The following GMDS variants were observed in gnomAD, a reference collection of about 807,000 sequenced individuals.
GMDS encodes the protein GDP-mannose 4,6-dehydratase.
In GMDS, 20 loss-of-function variants were observed where a neutral mutation model predicts 49.9. The observed-to-expected ratio is 0.40, with a 90% confidence interval of 0.28 to 0.58. The LOEUF (loss-of-function observed/expected upper bound fraction) is 0.58, where lower values mean the gene tolerates loss of function less well. Among genes scored for constraint, GMDS ranks in the 20% least tolerant of loss-of-function variants. The pLI is 0.42. For missense variants in GMDS, 362 were observed against 481.4 expected, an observed-to-expected ratio of 0.75 and a Z score of 2.32; for synonymous variants, 177 against 178.6, an observed-to-expected ratio of 0.99 and a Z score of 0.07.
At chr6:1,995,294 A>ACCTCCAGGTCTACTC (rs1304988653) in intron 4 of GMDS, among the ~76,000 whole-genome samples, 1 of 151,926 alleles carries the variant, frequency 6.6e-6, no homozygotes, top group Non-Finnish European at 1.5e-5. Context: ...CTTGCACCAC[A>ACCTCCAGGTCTACTC]CCTCCAGGTC....
intron 4 of GMDS, among the ~76,000 whole-genome samples, chr6:1,972,367 T>C (rs1415919813): frequency 1.3e-5 from 2 of 151,696 alleles, no homozygotes; most frequent in Non-Finnish European, 2.9e-5. Flanking sequence ...TTACAGTTTA[T>C]CAGCTGCTGA....
chr6:1,852,046 G>T (rs1757699676), intron 7 of GMDS, among the ~76,000 whole-genome samples: 1 of 152,226 alleles, frequency 6.6e-6, no homozygotes, highest in South Asian at 2.1e-4. Context: ...AGAAAGAGAT[G>T]CAGAACGTGT....
chr6:2,197,465 C>A (rs1338385011), intron 1 of GMDS, among the ~76,000 whole-genome samples: 1 of 152,196 alleles, frequency 6.6e-6, no homozygotes, highest in African/African-American at 2.4e-5. Flanking sequence ...AGCTCCACTG[C>A]CTGTGTGGTC....
At chr6:2,051,711 G>A (rs1770406381) in intron 4 of GMDS, among the ~76,000 whole-genome samples, 2 of 152,130 alleles carry the variant, frequency 1.3e-5, no homozygotes, top group African/African-American at 4.8e-5. Context: ...TAAGTCTGGT[G>A]CCATATACCC....
At chr6:1,709,162 C>A (rs1043415932) in intron 9 of GMDS, among the ~76,000 whole-genome samples, 1 of 152,220 alleles carries the variant, frequency 6.6e-6, no homozygotes, top group Non-Finnish European at 1.5e-5. Context: ...ACACCCACTG[C>A]AGCACTGAGA....
At chr6:1,858,679 G>A (rs774668808) in intron 7 of GMDS, among the ~76,000 whole-genome samples, 1 of 151,976 alleles carries the variant, frequency 6.6e-6, no homozygotes, top group Non-Finnish European at 1.5e-5. Flanking sequence ...CTGACACCGA[G>A]AGCCAATGCT....
At chr6:1,696,955 T>A (rs563027714) in intron 9 of GMDS, among the ~76,000 whole-genome samples, 19 of 152,348 alleles carry the variant, frequency 1.2e-4, no homozygotes, top group African/African-American at 4.6e-4. Context: ...TTTAAGCATT[T>A]GTTTTTGAAA....
intron 7 of GMDS, among the ~76,000 whole-genome samples, chr6:1,802,855 G>A (rs535876473): frequency 6.6e-6 from 1 of 152,134 alleles, no homozygotes; most frequent in African/African-American, 2.4e-5. Flanking sequence ...TGAAGCAGTC[G>A]CCTGTTTCAA....
In GMDS at chr6:2,098,307, C is replaced by T. The variant is rs376914165; in HGVS notation, c.345+17464G>A. On this transcript the variant is annotated intron_variant, in intron 4 of 10. Transcript: ENST00000380815. ...TCCTGACCTCAGTCGATCCACCTGC[C>T]TCAGCTTCCCAAAGTGCTGGGATTA... Among the ~76,000 whole-genome samples, 5 of 152,326 alleles carry T rather than the reference C, an allele frequency of 3.3e-5. No homozygotes were observed. In the East Asian group the frequency reaches 9.6e-4, roughly 29 times the overall value.
At chr6:2,085,807 G>A (rs750853015) in intron 4 of GMDS, among the ~76,000 whole-genome samples, 20 of 152,110 alleles carry the variant, frequency 1.3e-4, no homozygotes, top group African/African-American at 4.6e-4. Flanking sequence ...GATTACAGGC[G>A]TGAGTCACCA....
rs1300852749 is a variant in GMDS, at chr6:1,958,292, TA to T, written c.643+1574del. Among the ~76,000 whole-genome samples, 13 of 152,156 alleles carry T rather than the reference TA, an allele frequency of 8.5e-5. No individual in the cohort carries two copies. The South Asian group carries it at 2.5e-3, about 29-fold the overall frequency. On this transcript the variant is annotated intron_variant, in intron 6 of 10. Transcript: ENST00000380815. ...GACCTGATTCACAACAATTAACTTT[TA>T]TTTTTTTTTTGCAGGTGGAAAAGTT...
rs35230658 is a variant in GMDS at position 2,059,707 on chromosome 6, C to CAAAAAAAAAAAAAAAAAA, written c.345+56046_345+56063dup. On this transcript the variant is annotated intron_variant, in intron 4 of 10. Coordinates refer to ENST00000380815, the MANE Select transcript of GMDS (RefSeq NM_001500.4). ...TGGGCGACAGAGCGAGACTCCGTCT[C>CAAAAAAAAAAAAAAAAAA]AAAAAAAAAAAAAAAAAAAATGCAC... Among the ~76,000 whole-genome samples, 114 of 17,722 alleles carry CAAAAAAAAAAAAAAAAAA rather than the reference C, an allele frequency of 6.4e-3. 7 individuals are homozygous for CAAAAAAAAAAAAAAAAAA. The highest frequency in any genetic ancestry group is 8.2e-3 in the Non-Finnish European group (80 of 9,756). The allele number at this position is 17,722 out of a possible 152,430, so 11.6% of individuals were successfully genotyped here. A position where few individuals can be genotyped will look rare whatever the true frequency, so the allele number is the denominator to read the frequency against.
chr6:1,904,812 C>G (rs570869683), intron 7 of GMDS, among the ~76,000 whole-genome samples: 1 of 152,326 alleles, frequency 6.6e-6, no homozygotes, highest in African/African-American at 2.4e-5. Flanking sequence ...GCTGACAAAG[C>G]CCTGTTCCCT....
At chr6:2,236,797 A>G (rs1302994226) in intron 1 of GMDS, among the ~76,000 whole-genome samples, 1 of 152,260 alleles carries the variant, frequency 6.6e-6, no homozygotes, top group Non-Finnish European at 1.5e-5. Context: ...ATTAAGGAAC[A>G]TATTTTTGTT....
chr6:1,825,469 T>C (rs1488395223), intron 7 of GMDS, among the ~76,000 whole-genome samples: 1 of 152,202 alleles, frequency 6.6e-6, no homozygotes, highest in Non-Finnish European at 1.5e-5. Context: ...CAGTCATGCA[T>C]CATTTAACGA....
In GMDS at chr6:1,676,217, A is replaced by G. The variant is rs187211748; in HGVS notation, c.987+50199T>C. 4.5e-3 allele frequency among the ~76,000 whole-genome samples: 690 copies of G among 152,320 alleles called. 9 individuals are homozygous for G. The highest frequency in any genetic ancestry group is 0.015 in the African/African-American group (635 of 41,574). ...AGAGAATAAAATACTTAGGAATCCA[A>G]CTTACAAGGAATGTGAAGGACCTCT... is the stretch of plus-strand genomic sequence containing the variant. On this transcript the variant is annotated intron_variant, in intron 9 of 10. Coordinates refer to ENST00000380815, the MANE Select transcript of GMDS (RefSeq NM_001500.4).
chr6:1,680,569 C>T (rs1428989747), intron 9 of GMDS, among the ~76,000 whole-genome samples: 2 of 152,194 alleles, frequency 1.3e-5, no homozygotes, highest in Non-Finnish European at 2.9e-5. Flanking sequence ...GACCTTCTGG[C>T]CTCCCTCCCT....
At chr6:1,989,138 T>C (rs537314307) in intron 4 of GMDS, among the ~76,000 whole-genome samples, 64 of 152,322 alleles carry the variant, frequency 4.2e-4, no homozygotes, top group Middle Eastern at 3.4e-3. Context: ...CATGGGGGTA[T>C]GGGAATTTAG....
intron 7 of GMDS, among the ~76,000 whole-genome samples, chr6:1,835,557 T>G (rs1368073635): frequency 6.6e-6 from 1 of 152,208 alleles, no homozygotes; most frequent in Non-Finnish European, 1.5e-5. Context: ...ACATTTAAAT[T>G]ACTAAATTAG....
Sources: allele counts gnomAD v4.1 joint callset (sites outside exome capture counted in the v4.1 genomes callset), GRCh38; gene constraint gnomAD v4.1.1; transcripts MANE v1.5; gene names NCBI Gene and HGNC (gene_info 2026-07-23, HGNC 2026-07-21).